DMD: variants seen among roughly 807,000 people sequenced by gnomAD.
The protein encoded by DMD is mutant dystrophin.
DMD carries 63 observed loss-of-function variants against 330.1 expected under a neutral mutation model. The ratio of observed to expected loss-of-function variants is 0.19; its 90% CI spans 0.16 to 0.24. The LOEUF is 0.24. Ranked by LOEUF, DMD falls within the 10% of genes least tolerant of loss-of-function variation. The probability of loss-of-function intolerance (pLI) is 1.00; values close to 1 mark genes in which losing one functional copy is unlikely to be tolerated. For missense variants in DMD, 3,344 were observed against 2,684.1 expected (o/e 1.25, Z -5.43); for synonymous variants, 1,223 against 959.8 (o/e 1.27, Z -5.07).
At chrX:32,801,367 G>T (rs2076551370) in intron 7 of DMD, among the ~76,000 whole-genome samples, 1 of 111,015 alleles carries the variant, frequency 9.0e-6, no homozygotes, top group East Asian at 2.9e-4. Flanking sequence ...CTTTTTGATG[G>T]GGTTATTTTC....
intron 1 of DMD, among the ~76,000 whole-genome samples, chrX:33,045,653 A>C (rs2094370475): frequency 9.2e-6 from 1 of 108,869 alleles, no homozygotes; most frequent in African/African-American, 3.4e-5. Context: ...GGGTGTGGGG[A>C]GGGTCCTGAC....
At chrX:32,782,986 GGTGTGTGTATAT>G (rs964250386) in intron 7 of DMD, among the ~76,000 whole-genome samples, 2 of 98,859 alleles carry the variant, frequency 2.0e-5, no homozygotes, top group African/African-American at 7.4e-5. Context: ...ATACCTATAT[GGTGTGTGTATAT>G]ATACACACAC....
chrX:32,671,310 ACTT>A (rs1031924169), intron 9 of DMD, among the ~76,000 whole-genome samples: 15 of 111,040 alleles, frequency 1.4e-4, no homozygotes, highest in African/African-American at 3.6e-4. Context: ...TTTTCAACAA[ACTT>A]CTTATTCCAA....
At chrX:32,632,985 A>G (rs1460752011) in intron 11 of DMD, among the ~76,000 whole-genome samples, 1 of 112,434 alleles carries the variant, frequency 8.9e-6, no homozygotes, top group Non-Finnish European at 1.9e-5. Flanking sequence ...AGTTCTCCTG[A>G]AAATGGGCTT....
intron 48 of DMD, among the ~76,000 whole-genome samples, chrX:31,865,665 A>T (rs865859422): frequency 9.2e-6 from 1 of 108,895 alleles, no homozygotes; most frequent in African/African-American, 3.4e-5. Context: ...TACCCACGAA[A>T]GCGTGGAAGC....
intron 52 of DMD, among the ~76,000 whole-genome samples, chrX:31,701,966 A>G (rs2083842528): frequency 8.9e-6 from 1 of 112,739 alleles, no homozygotes; most frequent in Non-Finnish European, 1.9e-5. Context: ...TTGCCACTGA[A>G]ATTACTTTTG....
chrX:32,565,121 CTGAGA>C (rs1272223332), intron 16 of DMD, among the ~76,000 whole-genome samples: 2 of 111,302 alleles, frequency 1.8e-5, no homozygotes, highest in Non-Finnish European at 3.8e-5. Context: ...CCAAATGTAG[CTGAGA>C]TGTTTTCATA....
chrX:31,306,126 A>G (rs1379229556), intron 62 of DMD, among the ~76,000 whole-genome samples: 1 of 111,624 alleles, frequency 9.0e-6, no homozygotes, highest in Non-Finnish European at 1.9e-5. Flanking sequence ...GGGAAAACAT[A>G]TTTACTATAA....
chrX:31,755,613 T>C (rs1047851239), intron 51 of DMD, among the ~76,000 whole-genome samples: 9 of 111,470 alleles, frequency 8.1e-5, no homozygotes, highest in African/African-American at 2.9e-4. Context: ...GGGCAATTCA[T>C]AACACCACGT....
Position 32,448,465 on chromosome X carries a change from C to T in DMD, c.3777G>A (p.Lys1259=), listed in dbSNP as rs1445951268. Residue 1259 remains lysine, a synonymous_variant, in exon 27 of 79, where the codon AAG becomes AAA. Transcript: ENST00000357033. ...WLCTRLNGKC[K]TLEEVWACWH... ...AAGAAAAGCAACTGACTTCCAAAGT[C>T]TTGCATTTCCCATTCAGCCTAGTGC... 4 of 1,208,170 alleles carry T rather than the reference C, an allele frequency of 3.3e-6. No homozygotes were observed. The highest frequency in any genetic ancestry group is 4.5e-6 in the Non-Finnish European group (4 of 892,940).
chrX:31,371,201 A>C (rs2148655233), intron 60 of DMD, among the ~76,000 whole-genome samples: 1 of 111,268 alleles, frequency 9.0e-6, no homozygotes, highest in Non-Finnish European at 1.9e-5. Flanking sequence ...GAGTCCGTGT[A>C]TAATTTCTTA....
At chrX:31,516,280 A>G (rs1282725715) in intron 55 of DMD, among the ~76,000 whole-genome samples, 1 of 90,684 alleles carries the variant, frequency 1.1e-5, no homozygotes, top group African/African-American at 4.2e-5. Flanking sequence ...AACAAGCGCA[A>G]AAAAAAAAAA....
At chrX:32,157,098 G>C (rs961757640) in intron 44 of DMD, among the ~76,000 whole-genome samples, 3 of 112,256 alleles carry the variant, frequency 2.7e-5, no homozygotes, top group African/African-American at 9.7e-5. Context: ...TTAATAAACA[G>C]CGTAATTAAG....
At chrX:31,976,264 G>A (rs1226908029) in intron 44 of DMD, among the ~76,000 whole-genome samples, 1 of 111,189 alleles carries the variant, frequency 9.0e-6, no homozygotes, top group Non-Finnish European at 1.9e-5. Context: ...GAAGGAGAGA[G>A]TATCAATCAG....
At chrX:31,642,422 G>A (rs1212215501) in intron 54 of DMD, among the ~76,000 whole-genome samples, 1 of 111,864 alleles carries the variant, frequency 8.9e-6, no homozygotes, top group African/African-American at 3.2e-5. Context: ...TTCTTGTGCT[G>A]TCATGATTTT....
Position 32,818,791 on chromosome X carries a change from C to A in DMD, c.358-2151G>T, listed in dbSNP as rs5972678. Among the ~76,000 whole-genome samples, 372 of 109,824 alleles carry A rather than the reference C, an allele frequency of 3.4e-3. 1 individual carries two copies. The highest frequency in any genetic ancestry group is 0.011 in the African/African-American group (340 of 30,117). ...ACCTGAGTTGCAGAGTCCTGCCAGC[C>A]AATGTCACACCCTCTCTAGGGCAAC... On this transcript the variant is annotated intron_variant, in intron 5 of 78. Transcript: ENST00000357033.
At chrX:32,119,927 T>G (rs992409260) in intron 44 of DMD, among the ~76,000 whole-genome samples, 2 of 112,022 alleles carry the variant, frequency 1.8e-5, no homozygotes, top group Non-Finnish European at 3.8e-5. Context: ...AGTCTTGCAA[T>G]TACTTGATTA....
At chrX:32,075,448 T>A (rs1283358280) in intron 44 of DMD, among the ~76,000 whole-genome samples, 3 of 111,901 alleles carry the variant, frequency 2.7e-5, no homozygotes, top group African/African-American at 9.8e-5. Flanking sequence ...AAAAATCAAA[T>A]AAAATGAGGG....
chrX:31,681,883 C>T (rs765131278), intron 52 of DMD, among the ~76,000 whole-genome samples: 1 of 112,221 alleles, frequency 8.9e-6, no homozygotes, highest in African/African-American at 3.2e-5. Flanking sequence ...ATCATGAGGT[C>T]AGGAGTTCGA....
Sources: allele counts gnomAD v4.1 joint callset (sites outside exome capture counted in the v4.1 genomes callset), GRCh38; gene constraint gnomAD v4.1.1; transcripts MANE v1.5; gene names NCBI Gene and HGNC (gene_info 2026-07-23, HGNC 2026-07-21).